SYK: variants seen among roughly 807,000 people sequenced by gnomAD.
The protein encoded by SYK is tyrosine-protein kinase SYK.
A neutral mutation model predicts 77.8 loss-of-function variants in SYK; 16 were observed. That is an observed-to-expected ratio of 0.21 (90% CI 0.14 to 0.31). The LOEUF is 0.31. Ranked by LOEUF, SYK falls within the 10% of genes least tolerant of loss-of-function variation. SYK has a pLI of 1.00. For synonymous variants in SYK, 312 were observed against 308.7 expected, an observed-to-expected ratio of 1.01 and a Z score of -0.11; for missense variants, 529 against 814.4, an observed-to-expected ratio of 0.65 and a Z score of 4.26.
At chr9:90,814,083 A>C (rs909453278) in intron 1 of SYK, among the ~76,000 whole-genome samples, 1 of 148,406 alleles carries the variant, frequency 6.7e-6, no homozygotes, top group Non-Finnish European at 1.5e-5. Flanking sequence ...GGGCACTCTT[A>C]AAGTTATTTC....
chr9:90,853,241 T>G (rs985319012), intron 3 of SYK, among the ~76,000 whole-genome samples: 1 of 148,210 alleles, frequency 6.7e-6, no homozygotes, highest in South Asian at 2.3e-4. Flanking sequence ...TATCATCTAG[T>G]GTGTCGCTAA....
At chr9:90,843,113 G>A (rs1304466032) in intron 1 of SYK, among the ~76,000 whole-genome samples, 2 of 152,160 alleles carry the variant, frequency 1.3e-5, no homozygotes, top group Non-Finnish European at 2.9e-5. Flanking sequence ...GGGAAGTGGC[G>A]TTGCCCAGGA....
chr9:90,883,026 G>A (rs1034938643), intron 11 of SYK, among the ~76,000 whole-genome samples: 3 of 152,116 alleles, frequency 2.0e-5, no homozygotes, highest in African/African-American at 2.4e-5. Context: ...GGGAACTCAC[G>A]CTGAGTCCCA....
At position 90,877,740 on chromosome 9, in the gene SYK, G is replaced by T; in HGVS notation, c.1351G>T (p.Ala451Ser). The T allele has an allele frequency of 6.2e-7, 1 of 1,614,218 alleles. No individual in the cohort carries two copies. Among genetic ancestry groups the T allele is most frequent in the Non-Finnish European group, 8.5e-7 (1 of 1,180,026 alleles). Residue 451 changes from alanine to serine, a missense_variant, in exon 10 of 14, where the codon GCA (alanine) becomes TCA (serine). By Grantham distance (99) the Ala-to-Ser change is moderately conservative. Coordinates refer to ENST00000375754, the MANE Select transcript of SYK (RefSeq NM_003177.7). ...AESWMLVMEM[A>S]ELGPLNKYLQ... ...GTCCTGGATGCTGGTTATGGAGATG[G>T]CAGAACTTGGTCCCCTCAATAAGTA...
intron 1 of SYK, among the ~76,000 whole-genome samples, chr9:90,804,287 A>G (rs1198898089): frequency 6.6e-6 from 1 of 152,218 alleles, no homozygotes; most frequent in Non-Finnish European, 1.5e-5. Context: ...ATATAATTTC[A>G]AACAGCATAG....
At chr9:90,806,274 C>G (rs1824830870) in intron 1 of SYK, among the ~76,000 whole-genome samples, 1 of 152,130 alleles carries the variant, frequency 6.6e-6, no homozygotes, top group South Asian at 2.1e-4. Flanking sequence ...TTCCATTTTT[C>G]TTTCTTTTTT....
In SYK at chr9:90,888,642, C is replaced by A; in HGVS notation, c.1835+15C>A. On this transcript the variant is annotated intron_variant, in intron 13 of 13. Transcript: ENST00000375754. ...TGGACATACGAGTGAGTACCTGACA[C>A]TGACTGTGATGTATTCAGATGCTCT... The A allele has an allele frequency of 6.4e-7, 1 of 1,553,028 alleles. No individual in the cohort carries two copies. Among genetic ancestry groups the A allele is most frequent in the Non-Finnish European group, 8.7e-7 (1 of 1,143,568 alleles).
intron 3 of SYK, among the ~76,000 whole-genome samples, chr9:90,850,105 G>A (rs72729051): frequency 0.18 from 26,801 of 152,246 alleles, 2,549 homozygotes; most frequent in Middle Eastern, 0.24. Flanking sequence ...CTCTTCTTCA[G>A]TCTGCAGTAG....
rs62554368 is a variant in SYK at position 90,882,434 on chromosome 9, C to T, written c.1581+3481C>T. Among the ~76,000 whole-genome samples, 1,419 of 152,330 alleles carry T rather than the reference C, an allele frequency of 9.3e-3. 7 individuals carry two copies. Among genetic ancestry groups the T allele is most frequent in the Non-Finnish European group, 0.016 (1,055 of 68,028 alleles). ...TTCACTGAAATCATGTCCCCCTCTC[C>T]ACCCCAATGAGACCTCACACAGGTG... On this transcript the variant is annotated intron_variant, in intron 11 of 13. Transcript: ENST00000375754.
chr9:90,859,041 C>A (rs1351096138), intron 3 of SYK, among the ~76,000 whole-genome samples: 1 of 152,194 alleles, frequency 6.6e-6, no homozygotes, highest in Non-Finnish European at 1.5e-5. Context: ...CTCTCTATTT[C>A]CTCCTGGTAC....
intron 7 of SYK, 100 bp downstream of exon 7, chr9:90,867,299 A>G (rs527922346): frequency 2.5e-6 from 3 of 1,200,386 alleles, no homozygotes; most frequent in East Asian, 4.7e-5. Context: ...GCTGCCCCCC[A>G]TCTCTTGCCA....
chr9:90,867,845 A>T (rs1827574110), intron 7 of SYK, among the ~76,000 whole-genome samples: 1 of 152,080 alleles, frequency 6.6e-6, no homozygotes, highest in African/African-American at 2.4e-5. Context: ...CTTTTTCATG[A>T]CTTTTATTTA....
intron 11 of SYK, among the ~76,000 whole-genome samples, chr9:90,881,922 C>T (rs1258467504): frequency 5.3e-5 from 8 of 152,140 alleles, no homozygotes; most frequent in Non-Finnish European, 7.4e-5. Context: ...ACGACTGCTC[C>T]GCAGGGTTTG....
chr9:90,840,249 G>A (rs920618391), intron 1 of SYK, among the ~76,000 whole-genome samples: 1 of 152,150 alleles, frequency 6.6e-6, no homozygotes, highest in East Asian at 1.9e-4. Flanking sequence ...CCCAGCATCC[G>A]CATCACCAGG....
At chr9:90,882,571 T>C (rs1289732444) in intron 11 of SYK, among the ~76,000 whole-genome samples, 1 of 152,216 alleles carries the variant, frequency 6.6e-6, no homozygotes, top group Non-Finnish European at 1.5e-5. Flanking sequence ...TTTTTAAAAT[T>C]AGGAAATTAG....
At chr9:90,865,202 C>A (rs4744516) in intron 6 of SYK, 105 bp downstream of exon 6, 22 of 1,153,064 alleles carry the variant, frequency 1.9e-5, no homozygotes, top group Non-Finnish European at 2.9e-5. Flanking sequence ...ATTTTGATTG[C>A]GCTTCAAAAC....
At chr9:90,822,772 G>A (rs1000314178) in intron 1 of SYK, among the ~76,000 whole-genome samples, 1 of 152,206 alleles carries the variant, frequency 6.6e-6, no homozygotes, top group Non-Finnish European at 1.5e-5. Flanking sequence ...ATTGCCTTCA[G>A]TGGGAGTCTT....
intron 3 of SYK, 145 bp downstream of exon 3, chr9:90,845,739 C>A (rs1439663664): frequency 2.1e-6 from 2 of 931,704 alleles, no homozygotes; most frequent in Non-Finnish European, 1.6e-6. Flanking sequence ...CTGGCCTGTT[C>A]TAAAGACATT....
In SYK at chr9:90,898,352, A is replaced by C. The variant is rs1467573921; in HGVS notation, c.*2752A>C. The C allele has an allele frequency of 4.4e-6, 1 of 228,474 alleles. No individual in the cohort carries two copies. The highest frequency in any genetic ancestry group is 1.3e-3 in the Middle Eastern group (1 of 748). The allele number at this position is 228,474 out of a possible 1,614,324, so 14.2% of individuals were successfully genotyped here. A position where few individuals can be genotyped will look rare whatever the true frequency, so the allele number is the denominator to read the frequency against. Reference sequence around the variant, plus strand: ...GCTGCTGTATGGTGATTGCACTTGGACATCAGTCCAATGACTGCAAGTCGG... The same window carrying C: ...GCTGCTGTATGGTGATTGCACTTGGCCATCAGTCCAATGACTGCAAGTCGG... On this transcript the variant is annotated 3_prime_UTR_variant, in exon 14 of 14. Coordinates refer to ENST00000375754, the MANE Select transcript of SYK (RefSeq NM_003177.7).
Sources: allele counts gnomAD v4.1 joint callset (sites outside exome capture counted in the v4.1 genomes callset), GRCh38; gene constraint gnomAD v4.1.1; transcripts MANE v1.5; gene names NCBI Gene and HGNC (gene_info 2026-07-23, HGNC 2026-07-21).